The following CYTH3 variants were observed in gnomAD, a reference collection of about 807,000 sequenced individuals.
CYTH3 encodes the protein cytohesin 3.
A neutral mutation model predicts 55.1 loss-of-function variants in CYTH3; 23 were observed. The observed-to-expected ratio is 0.42, with a 90% CI of 0.30 to 0.59. The LOEUF is 0.59. CYTH3 is among the 20% of genes least tolerant of loss of function. The pLI, the probability that CYTH3 is intolerant of heterozygous loss-of-function variation, is 0.20. For missense variants in CYTH3, 413 were observed against 524.8 expected, an observed-to-expected ratio of 0.79 and a Z score of 2.08; for synonymous variants, 249 against 194.9, an observed-to-expected ratio of 1.28 and a Z score of -2.31.
At chr7:6,256,194 G>A (rs193018782) in intron 1 of CYTH3, among the ~76,000 whole-genome samples, 18 of 152,256 alleles carry the variant, frequency 1.2e-4, no homozygotes, top group Non-Finnish European at 2.4e-4. Flanking sequence ...TTTCGTGATG[G>A]CTGAAACCAA....
chr7:6,170,438 G>T lies in CYTH3; in HGVS notation c.823+97C>A. On this transcript the variant is annotated intron_variant, in intron 9 of 12. Transcript: ENST00000350796. The surrounding 1 kb of genome is among the most constrained non-coding windows in gnomAD (Gnocchi z 7.8). ...TTTCTTTTTAACGTCTCTGCCTGCG[G>T]TGGGGGGCATTCCTACGATGAGCCT... 8.9e-7 allele frequency: 1 copy of T among 1,125,770 alleles called. No homozygotes were observed. Among genetic ancestry groups the T allele is most frequent in the Non-Finnish European group, 1.3e-6 (1 of 780,084 alleles). 69.7% of individuals were successfully genotyped at this position (1,125,770 alleles called of 1,614,324 possible).
intron 4 of CYTH3, among the ~76,000 whole-genome samples, chr7:6,184,011 G>A (rs927303450): frequency 2.4e-5 from 3 of 127,200 alleles, no homozygotes; most frequent in Non-Finnish European, 3.2e-5. Flanking sequence ...AGAACTGTAA[G>A]AAAATACATT....
intron 1 of CYTH3, among the ~76,000 whole-genome samples, chr7:6,227,005 G>A (rs575536612): frequency 4.0e-5 from 6 of 151,832 alleles, no homozygotes; most frequent in South Asian, 2.1e-4. Flanking sequence ...GTGTGAACCC[G>A]GGAGGCGGAG....
intron 1 of CYTH3, among the ~76,000 whole-genome samples, chr7:6,251,499 T>C (rs1779963454): frequency 6.6e-6 from 1 of 152,034 alleles, no homozygotes; most frequent in Non-Finnish European, 1.5e-5. Context: ...TAGGAAAGGA[T>C]TCTTCAAAAT....
At chr7:6,236,034 C>A (rs1050845693) in intron 1 of CYTH3, among the ~76,000 whole-genome samples, 18 of 152,138 alleles carry the variant, frequency 1.2e-4, no homozygotes, top group African/African-American at 4.1e-4. Context: ...ACATGCATAT[C>A]CCCTCCAACA....
intron 1 of CYTH3, among the ~76,000 whole-genome samples, chr7:6,209,997 G>C (rs1008238910): frequency 3.3e-5 from 5 of 152,150 alleles, no homozygotes; most frequent in Non-Finnish European, 7.3e-5. Context: ...GGGGACTCCT[G>C]GTTGGTGAAA....
intron 1 of CYTH3, among the ~76,000 whole-genome samples, chr7:6,203,129 T>A (rs1784097519): frequency 6.6e-6 from 1 of 151,606 alleles, no homozygotes; most frequent in Non-Finnish European, 1.5e-5. Context: ...TCTAACAAAA[T>A]AGTCTCAAAA....
intron 4 of CYTH3, among the ~76,000 whole-genome samples, chr7:6,182,721 G>C (rs186312979): frequency 5.3e-4 from 81 of 151,886 alleles, no homozygotes; most frequent in Admixed American, 5.3e-3. Flanking sequence ...ACTATGTTAG[G>C]CTGGTTTTGA....
At chr7:6,233,133 T>C (rs572507183) in intron 1 of CYTH3, among the ~76,000 whole-genome samples, 3 of 152,316 alleles carry the variant, frequency 2.0e-5, no homozygotes, top group African/African-American at 7.2e-5. Context: ...AAATGTTCTC[T>C]GAAGTTGCTT....
chr7:6,236,845 G>A (rs1156936282), intron 1 of CYTH3, among the ~76,000 whole-genome samples: 1 of 150,576 alleles, frequency 6.6e-6, no homozygotes, highest in Non-Finnish European at 1.5e-5. Flanking sequence ...TTACAGGCGT[G>A]AGCCACTGCG....
intron 1 of CYTH3, among the ~76,000 whole-genome samples, chr7:6,255,030 G>C (rs143249390): frequency 6.6e-6 from 1 of 152,276 alleles, no homozygotes; most frequent in East Asian, 1.9e-4. Context: ...GTAAAGACAG[G>C]CAGGCCAGAG....
intron 1 of CYTH3, among the ~76,000 whole-genome samples, chr7:6,232,363 G>A (rs11971500): frequency 0.028 from 4,204 of 152,130 alleles, 181 homozygotes; most frequent in African/African-American, 0.096. Flanking sequence ...TGCTCTACCC[G>A]GCACTCCCAC....
At chr7:6,272,184 C>T (rs919042835) in intron 1 of CYTH3, among the ~76,000 whole-genome samples, 1 of 152,150 alleles carries the variant, frequency 6.6e-6, no homozygotes, top group Non-Finnish European at 1.5e-5. Flanking sequence ...GAGCGACACC[C>T]AAACCCCGGC....
intron 4 of CYTH3, among the ~76,000 whole-genome samples, chr7:6,178,874 C>T (rs1783409547): frequency 6.6e-6 from 1 of 152,322 alleles, no homozygotes; most frequent in South Asian, 2.1e-4. Context: ...TCCCAGGAAC[C>T]TATTAATAGA....
intron 1 of CYTH3, among the ~76,000 whole-genome samples, chr7:6,248,738 T>C (rs924678628): frequency 3.3e-5 from 5 of 152,238 alleles, no homozygotes; most frequent in African/African-American, 1.2e-4. Flanking sequence ...CATCTCCATA[T>C]GTTCCTCACA....
chr7:6,202,939 C>T (rs1301539091), intron 1 of CYTH3, among the ~76,000 whole-genome samples: 1 of 151,996 alleles, frequency 6.6e-6, no homozygotes, highest in Non-Finnish European at 1.5e-5. Flanking sequence ...TTAAAACATA[C>T]GAATACATAA....
At chr7:6,174,539 GTTTT>G (rs760279977) in intron 5 of CYTH3, among the ~76,000 whole-genome samples, 33 of 89,794 alleles carry the variant, frequency 3.7e-4, no homozygotes, top group East Asian at 9.0e-4. Flanking sequence ...CTCCTTGTGG[GTTTT>G]TTTTTTTTTT....
intron 1 of CYTH3, among the ~76,000 whole-genome samples, chr7:6,233,769 TG>T (rs1779447035): frequency 6.6e-6 from 1 of 152,250 alleles, no homozygotes; most frequent in Non-Finnish European, 1.5e-5. Flanking sequence ...TTGGTCAGTT[TG>T]GGCTGCTATA....
intron 1 of CYTH3, among the ~76,000 whole-genome samples, chr7:6,235,342 T>G (rs983647161): frequency 1.2e-4 from 18 of 152,072 alleles, no homozygotes; most frequent in Non-Finnish European, 2.4e-4. Context: ...CTGGGTGTGG[T>G]GGCACATGCC....
Sources: gnomAD v4.1 joint callset for allele counts (sites outside exome capture counted in the v4.1 genomes callset) on GRCh38, gnomAD v4.1.1 for gene constraint, Gnocchi (gnomAD v3.1) non-coding constraint, MANE v1.5 for transcripts, NCBI Gene and HGNC (gene_info 2026-07-23, HGNC 2026-07-21) for gene names.